MGAT5: variants seen among roughly 807,000 people sequenced by gnomAD.
MGAT5 encodes the protein alpha-1,6-mannosylglycoprotein 6-beta-N-acetylglucosaminyltransferase A.
A neutral mutation model predicts 94.3 loss-of-function variants in MGAT5; 30 were observed. The ratio of observed to expected loss-of-function variants is 0.32; its 90% CI spans 0.24 to 0.43. The LOEUF (loss-of-function observed/expected upper bound fraction) is 0.43, where lower values mean the gene tolerates loss of function less well. MGAT5 is among the 20% of genes least tolerant of loss of function. The pLI is 1.00. For synonymous variants in MGAT5, 310 were observed against 322.9 expected, an observed-to-expected ratio of 0.96 and a Z score of 0.43; for missense variants, 691 against 905.5, an observed-to-expected ratio of 0.76 and a Z score of 3.04.
At chr2:134,290,348 C>G (rs3814022) in intron 2 of MGAT5, among the ~76,000 whole-genome samples, 37,358 of 152,176 alleles carry the variant, frequency 0.25, 4,933 homozygotes, top group Middle Eastern at 0.55. Flanking sequence ...CCACTCAGCT[C>G]TTTGTGGGGA....
intron 14 of MGAT5, among the ~76,000 whole-genome samples, chr2:134,436,108 C>T (rs766991802): frequency 1.3e-4 from 20 of 152,206 alleles, no homozygotes; most frequent in Non-Finnish European, 2.9e-5. Context: ...AAAGTTCTTT[C>T]TTATCAGTCA....
chr2:134,427,598 G>A (rs887565914), intron 13 of MGAT5, among the ~76,000 whole-genome samples: 41 of 152,270 alleles, frequency 2.7e-4, no homozygotes, highest in African/African-American at 8.9e-4. Flanking sequence ...ATACTGAGCT[G>A]CAGTTACCTG....
chr2:134,278,943 G>A (rs1684538347), intron 2 of MGAT5, among the ~76,000 whole-genome samples: 1 of 152,134 alleles, frequency 6.6e-6, no homozygotes, highest in South Asian at 2.1e-4. Context: ...CTTGCCTTGT[G>A]TTCCTACCAT....
At chr2:134,177,559 G>A (rs369462570) in intron 1 of MGAT5, among the ~76,000 whole-genome samples, 3 of 152,188 alleles carry the variant, frequency 2.0e-5, no homozygotes, top group Non-Finnish European at 4.4e-5. Flanking sequence ...CATTCCTCTC[G>A]CCTGCCCTTT....
intron 4 of MGAT5, among the ~76,000 whole-genome samples, chr2:134,329,501 C>T (rs537021390): frequency 6.6e-6 from 1 of 152,226 alleles, no homozygotes; most frequent in East Asian, 1.9e-4. Context: ...GGCGATGATA[C>T]TCCAATATTG....
intron 9 of MGAT5, among the ~76,000 whole-genome samples, chr2:134,361,597 C>A (rs187368612): frequency 2.6e-4 from 40 of 152,310 alleles, no homozygotes; most frequent in Admixed American, 9.8e-4. Context: ...CCAAAATTTT[C>A]TCTTCCAGAA....
rs2106114009 is a variant in MGAT5, at chr2:134,362,283, C to G, written c.1255C>G (p.Pro419Ala). 1 of 1,613,638 alleles carries G rather than the reference C, an allele frequency of 6.2e-7. No individual in the cohort carries two copies. Among genetic ancestry groups the G allele is most frequent in the Non-Finnish European group, 8.5e-7 (1 of 1,179,716 alleles). Residue 419 changes from proline (P) to alanine (A), a missense_variant, in exon 10 of 16, where the codon CCA becomes GCA. Transcript: ENST00000281923. ...ATTTCTTTGCACACCAGCTCATACC[C>G]CAGACAACAGCTTTCTGGGGTTTGT... ...QQFYTMFPHT[P>A]DNSFLGFVVE...
chr2:134,174,841 G>T (rs1021285069), intron 1 of MGAT5, among the ~76,000 whole-genome samples: 2 of 152,216 alleles, frequency 1.3e-5, no homozygotes, highest in African/African-American at 4.8e-5. Flanking sequence ...TGGTGACCAT[G>T]GGCTTTGGCA....
rs1364609429 is a variant in MGAT5, at chr2:134,453,968, T to A, written c.*5121T>A. 1 of 152,224 alleles carries A rather than the reference T, an allele frequency of 6.6e-6. No individual in the cohort carries two copies. Among genetic ancestry groups the A allele is most frequent in the Non-Finnish European group, 1.5e-5 (1 of 68,040 alleles). 9.4% of individuals were successfully genotyped at this position (152,224 alleles called of 1,614,324 possible). A position where few individuals can be genotyped will look rare whatever the true frequency, so the allele number is the denominator to read the frequency against. On this transcript the variant is annotated 3_prime_UTR_variant, in exon 16 of 16. Coordinates refer to ENST00000281923, the MANE Select transcript of MGAT5 (RefSeq NM_002410.5). Reference sequence around the variant, plus strand: ...TGCAGGTGTGGAATTTGCTGGAGTTTGGTGACTTCGTCAAATTCCTTTGGA... The same window carrying A: ...TGCAGGTGTGGAATTTGCTGGAGTTAGGTGACTTCGTCAAATTCCTTTGGA...
intron 1 of MGAT5, among the ~76,000 whole-genome samples, chr2:134,239,220 G>A (rs888559737): frequency 1.3e-5 from 2 of 152,122 alleles, no homozygotes; most frequent in African/African-American, 4.8e-5. Context: ...GGATGGTCTC[G>A]ATCTCCTGAC....
chr2:134,185,611 T>C (rs1309970201), intron 1 of MGAT5, among the ~76,000 whole-genome samples: 1 of 152,232 alleles, frequency 6.6e-6, no homozygotes, highest in Non-Finnish European at 1.5e-5. Context: ...GCTTAACTGA[T>C]TCAGGTACTG....
intron 10 of MGAT5, among the ~76,000 whole-genome samples, chr2:134,393,896 A>T (rs181678504): frequency 6.8e-6 from 1 of 147,972 alleles, no homozygotes; most frequent in South Asian, 2.2e-4. Context: ...AGGGAGAAGC[A>T]CATGCATATT....
At chr2:134,405,334 G>C (rs1683272569) in intron 11 of MGAT5, among the ~76,000 whole-genome samples, 1 of 152,128 alleles carries the variant, frequency 6.6e-6, no homozygotes, top group Admixed American at 6.5e-5. Flanking sequence ...ATTACCTATT[G>C]CCTGCTCCTT....
intron 1 of MGAT5, among the ~76,000 whole-genome samples, chr2:134,240,289 C>G (rs1681902230): frequency 6.6e-6 from 1 of 152,110 alleles, no homozygotes; most frequent in Non-Finnish European, 1.5e-5. Context: ...GCAGTGATTC[C>G]CATCTGGTGG....
chr2:134,286,155 AC>A (rs1684986987), intron 2 of MGAT5, among the ~76,000 whole-genome samples: 2 of 152,166 alleles, frequency 1.3e-5, no homozygotes, highest in East Asian at 1.9e-4. Flanking sequence ...CCATCAGAGA[AC>A]CCTTCTTACT....
In MGAT5 at chr2:134,177,857, G is replaced by A. The variant is rs188514993; in HGVS notation, c.-143+57566G>A. On this transcript the variant is annotated intron_variant, in intron 1 of 16. Coordinates refer to the MGAT5 transcript ENST00000409645. ...TTTGGATTTTGTTTAAAAAGTCAAG[G>A]TATTTATGAGTTGAGAGTAGTGCTC... 1.8e-3 allele frequency among the ~76,000 whole-genome samples: 272 copies of A among 152,308 alleles called. 3 individuals are homozygous for A. The highest frequency in any genetic ancestry group is 6.2e-3 in the African/African-American group (259 of 41,570).
intron 12 of MGAT5, 48 bp from the exon 13 acceptor site, chr2:134,422,755 T>A (rs748426742): frequency 2.1e-6 from 3 of 1,431,814 alleles, no homozygotes; most frequent in Middle Eastern, 1.7e-4. Context: ...CTAGCACAGG[T>A]TATTTTAAAA....
chr2:134,344,054 C>T (rs943805060), intron 7 of MGAT5, among the ~76,000 whole-genome samples: 46 of 152,066 alleles, frequency 3.0e-4, no homozygotes, highest in Non-Finnish European at 2.4e-4. Context: ...CTGTTTGTGA[C>T]TCTCGTCCTT....
intron 4 of MGAT5, among the ~76,000 whole-genome samples, chr2:134,332,731 C>G (rs1334512819): frequency 6.6e-6 from 1 of 151,952 alleles, no homozygotes; most frequent in Non-Finnish European, 1.5e-5. Context: ...TGAACTCAAA[C>G]AAATTTACAA....
Sources: allele counts gnomAD v4.1 joint callset (sites outside exome capture counted in the v4.1 genomes callset), GRCh38; gene constraint gnomAD v4.1.1; transcripts MANE v1.5; gene names NCBI Gene and HGNC (gene_info 2026-07-23, HGNC 2026-07-21).